Variants in KLHL32 observed in about 807,000 individuals in gnomAD.
KLHL32 encodes the protein kelch-like protein 32.
In KLHL32, 35 loss-of-function variants were observed where a neutral mutation model predicts 64.8. That is an observed-to-expected ratio of 0.54 (90% confidence interval 0.41 to 0.72). KLHL32 has a LOEUF of 0.72. Among genes scored for constraint, KLHL32 ranks in the 30% least tolerant of loss-of-function variants. KLHL32 has a pLI of 0.00. For missense variants in KLHL32, 589 were observed against 768.5 expected (o/e 0.77, Z 2.76); for synonymous variants, 259 against 281.0 (o/e 0.92, Z 0.78).
At chr6:97,105,391 G>A in intron 6 of KLHL32, 1 of 469,192 alleles carries the variant, frequency 2.1e-6, no homozygotes, top group Non-Finnish European at 4.4e-6. Context: ...GTTCAGGAGT[G>A]AGTTTTTGAC....
chr6:97,066,351 T>TC (rs1789739410), intron 5 of KLHL32, among the ~76,000 whole-genome samples: 1 of 152,186 alleles, frequency 6.6e-6, no homozygotes, highest in Admixed American at 6.5e-5. Flanking sequence ...AAGTGAGAAT[T>TC]CCAGATGAAC....
rs753919564 is a variant in KLHL32 at position 97,130,964 on chromosome 6, T to C, written c.1606+15T>C. 1 of 1,602,668 alleles carries C rather than the reference T, an allele frequency of 6.2e-7. No homozygotes were observed. The highest frequency in any genetic ancestry group is 1.1e-5 in the South Asian group (1 of 89,596). ...CCTGCTGACTGGCAAGTACCTTTGA[T>C]TAAGTAAATCAGGAAAAGTAGATTC... On this transcript the variant is annotated intron_variant, in intron 9 of 10. Coordinates refer to ENST00000369261, the MANE Select transcript of KLHL32 (RefSeq NM_052904.4).
At chr6:97,035,772 T>C (rs1473509880) in intron 3 of KLHL32, among the ~76,000 whole-genome samples, 2 of 152,168 alleles carry the variant, frequency 1.3e-5, no homozygotes, top group Non-Finnish European at 2.9e-5. Context: ...TCTCTGTCTT[T>C]AACTTTTGAA....
At chr6:97,083,338 T>C (rs1056417263) in intron 5 of KLHL32, among the ~76,000 whole-genome samples, 1 of 151,034 alleles carries the variant, frequency 6.6e-6, no homozygotes, top group East Asian at 1.9e-4. Flanking sequence ...TGCAGTGAGC[T>C]GAGATCGCAC....
At chr6:97,101,219 G>A (rs73758110) in intron 6 of KLHL32, among the ~76,000 whole-genome samples, 5,176 of 152,050 alleles carry the variant, frequency 0.034, 284 homozygotes, top group African/African-American at 0.12. Context: ...GTATAAATGT[G>A]CCAGCAACAT....
chr6:96,953,358 G>T (rs1388465171), intron 1 of KLHL32, among the ~76,000 whole-genome samples: 1 of 152,138 alleles, frequency 6.6e-6, no homozygotes, highest in Non-Finnish European at 1.5e-5. Context: ...TGCCAAGCTT[G>T]TTGGCTCATG....
intron 4 of KLHL32, among the ~76,000 whole-genome samples, chr6:97,053,737 A>G (rs1787333683): frequency 6.6e-6 from 1 of 151,862 alleles, no homozygotes; most frequent in Non-Finnish European, 1.5e-5. Context: ...TAATTTATAT[A>G]CTATGCATTT....
chr6:97,054,425 T>G (rs939284765), intron 4 of KLHL32, among the ~76,000 whole-genome samples: 1 of 152,172 alleles, frequency 6.6e-6, no homozygotes, highest in Non-Finnish European at 1.5e-5. Context: ...GATGAGAAAA[T>G]GTACATTGGT....
At chr6:97,084,284 C>T (rs1322837503) in intron 5 of KLHL32, among the ~76,000 whole-genome samples, 1 of 152,136 alleles carries the variant, frequency 6.6e-6, no homozygotes, top group Non-Finnish European at 1.5e-5. Flanking sequence ...TTGACATATG[C>T]AAATTTTCTT....
intron 6 of KLHL32, among the ~76,000 whole-genome samples, chr6:97,093,047 T>G (rs779218386): frequency 1.3e-5 from 2 of 152,206 alleles, no homozygotes; most frequent in African/African-American, 4.8e-5. Flanking sequence ...CTTCTAATTT[T>G]CATTGTGATT....
intron 4 of KLHL32, among the ~76,000 whole-genome samples, chr6:97,048,394 C>G (rs1276361050): frequency 6.6e-6 from 1 of 152,192 alleles, no homozygotes; most frequent in Non-Finnish European, 1.5e-5. Context: ...ATACATTTCT[C>G]TGACCCAGAG....
intron 3 of KLHL32, among the ~76,000 whole-genome samples, chr6:96,988,963 G>A (rs1014026970): frequency 5.9e-5 from 9 of 152,272 alleles, no homozygotes; most frequent in Admixed American, 3.9e-4. Flanking sequence ...GTGGGGTTGG[G>A]GGAGGGAGGA....
chr6:97,110,336 G>A (rs548152099), intron 6 of KLHL32, among the ~76,000 whole-genome samples: 32 of 152,248 alleles, frequency 2.1e-4, no homozygotes, highest in African/African-American at 7.0e-4. Flanking sequence ...GGCACCTAGC[G>A]ACATTTCCTT....
At chr6:96,952,991 C>G (rs1269648328) in intron 1 of KLHL32, among the ~76,000 whole-genome samples, 1 of 152,124 alleles carries the variant, frequency 6.6e-6, no homozygotes, top group Non-Finnish European at 1.5e-5. Context: ...TTCCCTGGTC[C>G]CCTGCCTGCT....
intron 5 of KLHL32, among the ~76,000 whole-genome samples, chr6:97,073,787 A>C (rs1791146314): frequency 6.6e-6 from 1 of 152,090 alleles, no homozygotes; most frequent in African/African-American, 2.4e-5. Flanking sequence ...CATGTGTCTC[A>C]TTTCCCTCCA....
chr6:96,949,507 G>A (rs1448222507), intron 1 of KLHL32, among the ~76,000 whole-genome samples: 2 of 152,082 alleles, frequency 1.3e-5, no homozygotes, highest in Admixed American at 6.6e-5. Context: ...TTTGTGTAAT[G>A]TTGACTGAGT....
At chr6:96,976,204 A>G in intron 3 of KLHL32, 27 bp downstream of exon 3, 1 of 1,507,844 alleles carries the variant, frequency 6.6e-7, no homozygotes, top group African/African-American at 1.4e-5. Context: ...TGTTTCTCGT[A>G]AAATATTGAT....
intron 3 of KLHL32, among the ~76,000 whole-genome samples, chr6:96,997,649 G>A (rs1778557877): frequency 6.6e-6 from 1 of 152,030 alleles, no homozygotes; most frequent in African/African-American, 2.4e-5. Context: ...AGGCTTAGCA[G>A]GAGGATCGCT....
Position 96,994,405 on chromosome 6 carries a change from C to G in KLHL32, c.204+18228C>G, listed in dbSNP as rs890922948. 5.8e-6 allele frequency: 4 copies of G among 685,624 alleles called. No homozygotes were observed. The East Asian group carries it at 5.5e-4, about 94-fold the overall frequency. 42.5% of individuals were successfully genotyped at this position (685,624 alleles called of 1,614,324 possible). A position where few individuals can be genotyped will look rare whatever the true frequency, so the allele number is the denominator to read the frequency against. On this transcript the variant is annotated intron_variant, in intron 3 of 10. Coordinates refer to ENST00000369261, the MANE Select transcript of KLHL32 (RefSeq NM_052904.4). The stretch of plus-strand genomic sequence containing the variant: ...TTAATATCCGGAAAATAAAACTATA[C>G]AAATTATTTATGTTTTTTTTCCTTT...
Sources: gnomAD v4.1 joint callset for allele counts (sites outside exome capture counted in the v4.1 genomes callset) on GRCh38, gnomAD v4.1.1 for gene constraint, MANE v1.5 for transcripts, NCBI Gene and HGNC (gene_info 2026-07-23, HGNC 2026-07-21) for gene names.